Variants in GHR observed in about 807,000 individuals in gnomAD.
GHR encodes growth hormone receptor.
In GHR, 35 loss-of-function variants were observed where a neutral mutation model predicts 67.1. The observed-to-expected ratio is 0.52, with a 90% CI of 0.40 to 0.69. GHR has a LOEUF of 0.69. GHR is among the 30% of genes least tolerant of loss of function. GHR has a pLI of 0.00. For missense variants in GHR, 792 were observed against 764.6 expected, an observed-to-expected ratio of 1.04 and a Z score of -0.42; for synonymous variants, 272 against 269.1, an observed-to-expected ratio of 1.01 and a Z score of -0.10.
chr5:42,511,975 T>A (rs1747036952), intron 1 of GHR, among the ~76,000 whole-genome samples: 1 of 152,166 alleles, frequency 6.6e-6, no homozygotes, highest in Non-Finnish European at 1.5e-5. Flanking sequence ...AAAAATTAAG[T>A]CCACAGACTG....
rs538949060 is a variant in GHR, at chr5:42,721,575, G to A, written c.*2151G>A. The stretch of plus-strand genomic sequence containing the variant: ...TAGTTTCATATAAAGTATCATCAGT[G>A]TAGAACCTAATTCAATTCAAAGCTG... On this transcript the variant is annotated 3_prime_UTR_variant, in exon 10 of 10. Coordinates refer to ENST00000230882, the MANE Select transcript of GHR (RefSeq NM_000163.5). The A allele has an allele frequency of 6.5e-6, 1 of 152,734 alleles. No homozygotes were observed. The highest frequency in any genetic ancestry group is 1.9e-4 in the East Asian group (1 of 5,184). The allele number at this position is 152,734 out of a possible 1,614,324, so 9.5% of individuals were successfully genotyped here. A position where few individuals can be genotyped will look rare whatever the true frequency, so the allele number is the denominator to read the frequency against.
chr5:42,424,601 A>G lies in GHR; in HGVS notation c.-12+646A>G. On this transcript the variant is annotated intron_variant, in intron 1 of 9. Transcript: ENST00000230882. This position sits in a 1 kb window ranked among gnomAD's most constrained non-coding sequence, Gnocchi z 4.1. ...GCCACCAGTCCGCATGAACTGGGGT[A>G]AGTGGAAATTGTGGCGAGCCGACCT... The G allele has an allele frequency of 6.5e-7, 1 of 1,534,388 alleles. No individual in the cohort carries two copies. The highest frequency in any genetic ancestry group is 8.7e-7 in the Non-Finnish European group (1 of 1,145,790).
intron 1 of GHR, among the ~76,000 whole-genome samples, chr5:42,458,216 C>G (rs1010457787): frequency 9.2e-5 from 14 of 152,264 alleles, no homozygotes; most frequent in Middle Eastern, 6.8e-3. Flanking sequence ...ATTTCATTCT[C>G]TCACTTCAAA....
At position 42,424,206 on chromosome 5, in the gene GHR, G is replaced by A. The variant is rs912151009; in HGVS notation, c.-12+251G>A. Among the ~76,000 whole-genome samples the A allele has an allele frequency of 6.6e-6, 1 of 151,390 alleles. No individual in the cohort carries two copies. The highest frequency in any genetic ancestry group is 2.1e-4 in the South Asian group (1 of 4,770). On this transcript the variant is annotated intron_variant, in intron 1 of 9. Coordinates refer to ENST00000230882, the MANE Select transcript of GHR (RefSeq NM_000163.5). The surrounding 1 kb of genome is among the most constrained non-coding windows in gnomAD (Gnocchi z 4.1). ...TGTGTGTGTGTGTGTGTGTGTGTGT[G>A]TGTGTGTGTGTGTCTGGAAGTTGGT...
At chr5:42,435,750 G>A (rs533536485) in intron 1 of GHR, among the ~76,000 whole-genome samples, 15 of 152,246 alleles carry the variant, frequency 9.9e-5, no homozygotes, top group Admixed American at 2.6e-4. Flanking sequence ...ATCCAGAAGC[G>A]TGCACTGCTT....
chr5:42,605,388 G>C (rs1024279494), intron 2 of GHR, among the ~76,000 whole-genome samples: 3 of 152,016 alleles, frequency 2.0e-5, no homozygotes, highest in Non-Finnish European at 4.4e-5. Context: ...TTATAGATGA[G>C]AGCCACCGCG....
intron 2 of GHR, among the ~76,000 whole-genome samples, chr5:42,589,357 G>T (rs1400895871): frequency 6.6e-6 from 1 of 152,020 alleles, no homozygotes; most frequent in Non-Finnish European, 1.5e-5. Context: ...TTGTCCTATT[G>T]GCTTTATACT....
At chr5:42,671,593 C>T (rs1389295617) in intron 3 of GHR, among the ~76,000 whole-genome samples, 1 of 146,646 alleles carries the variant, frequency 6.8e-6, no homozygotes, top group Non-Finnish European at 1.5e-5. Flanking sequence ...CACATGATTT[C>T]AATAGGTGTG....
chr5:42,656,377 T>G (rs776063915), intron 3 of GHR, among the ~76,000 whole-genome samples: 4 of 152,214 alleles, frequency 2.6e-5, no homozygotes, highest in Non-Finnish European at 5.9e-5. Context: ...GACAGTAAAC[T>G]GTAGCCTCTA....
At chr5:42,463,410 A>G (rs1744570513) in intron 1 of GHR, among the ~76,000 whole-genome samples, 1 of 152,242 alleles carries the variant, frequency 6.6e-6, no homozygotes, top group Non-Finnish European at 1.5e-5. Context: ...AAATTTTATA[A>G]TTAGATATTT....
At chr5:42,562,720 G>A (rs1243328857) in intron 1 of GHR, among the ~76,000 whole-genome samples, 2 of 138,198 alleles carry the variant, frequency 1.4e-5, no homozygotes, top group African/African-American at 2.7e-5. Context: ...GCGCGATCTC[G>A]ACTCACTTCA....
intron 3 of GHR, among the ~76,000 whole-genome samples, chr5:42,686,836 G>A (rs1202307296): frequency 1.3e-5 from 2 of 152,080 alleles, no homozygotes; most frequent in Non-Finnish European, 2.9e-5. Flanking sequence ...AGGGCAGTCA[G>A]GCAAGAGAAA....
intron 2 of GHR, among the ~76,000 whole-genome samples, chr5:42,621,195 G>A (rs1378058246): frequency 2.0e-5 from 3 of 152,024 alleles, no homozygotes; most frequent in Non-Finnish European, 1.5e-5. Flanking sequence ...ACAGTAGGAA[G>A]GAAAAGCTGG....
intron 1 of GHR, among the ~76,000 whole-genome samples, chr5:42,535,840 G>A (rs1454572730): frequency 6.6e-6 from 1 of 152,078 alleles, no homozygotes; most frequent in Non-Finnish European, 1.5e-5. Flanking sequence ...TTTCAGCAGT[G>A]TTTTGTAGTT....
chr5:42,711,166 T>C, intron 6 of GHR, 41 bp from the exon 7 acceptor site: 2 of 1,505,586 alleles, frequency 1.3e-6, no homozygotes, highest in Non-Finnish European at 1.8e-6. Context: ...ATTGAGTTGT[T>C]GACTCTTTGG....
chr5:42,640,312 T>C (rs1397956353), intron 3 of GHR, among the ~76,000 whole-genome samples: 1 of 152,132 alleles, frequency 6.6e-6, no homozygotes, highest in Non-Finnish European at 1.5e-5. Flanking sequence ...CAAGCTTCAA[T>C]TTATCCATCT....
At chr5:42,634,361 T>C (rs1017994856) in intron 3 of GHR, among the ~76,000 whole-genome samples, 3 of 152,270 alleles carry the variant, frequency 2.0e-5, no homozygotes, top group Admixed American at 6.5e-5. Context: ...AAAATCATTA[T>C]GTCTTTTGGT....
At chr5:42,566,968 A>G (rs1276213000) in intron 2 of GHR, among the ~76,000 whole-genome samples, 3 of 152,252 alleles carry the variant, frequency 2.0e-5, no homozygotes, top group Non-Finnish European at 4.4e-5. Context: ...TATCTCTTAA[A>G]GCAATTTAAA....
intron 1 of GHR, among the ~76,000 whole-genome samples, chr5:42,502,754 T>C (rs893811479): frequency 6.7e-6 from 1 of 150,332 alleles, no homozygotes; most frequent in Non-Finnish European, 1.5e-5. Flanking sequence ...TTGTACATTT[T>C]AAACTCAAAA....
Sources: gnomAD v4.1 joint callset for allele counts (sites outside exome capture counted in the v4.1 genomes callset) on GRCh38, gnomAD v4.1.1 for gene constraint, Gnocchi (gnomAD v3.1) non-coding constraint, MANE v1.5 for transcripts, NCBI Gene and HGNC (gene_info 2026-07-23, HGNC 2026-07-21) for gene names.